The following PLA2R1 variants were observed in gnomAD, a reference collection of about 807,000 sequenced individuals.
PLA2R1 encodes phospholipase A2 receptor 1.
PLA2R1 carries 158 observed loss-of-function variants against 195.9 expected under a neutral mutation model. That is an observed-to-expected ratio of 0.81 (90% CI 0.71 to 0.92). The LOEUF is 0.92. Ranked by LOEUF, PLA2R1 falls within the 40% of genes least tolerant of loss-of-function variation. The probability of loss-of-function intolerance (pLI) is 0.00; values close to 1 mark genes in which losing one functional copy is unlikely to be tolerated. For synonymous variants in PLA2R1, 586 were observed against 598.2 expected (o/e 0.98, Z 0.30); for missense variants, 1,626 against 1,764.6 (o/e 0.92, Z 1.41).
Position 159,941,790 on chromosome 2 carries a change from C to T in PLA2R1, c.4380G>A (p.Lys1460=), listed in dbSNP as rs144754264. The T allele has an allele frequency of 1.3e-6, 2 of 1,580,130 alleles. No homozygotes were observed. Among genetic ancestry groups the T allele is most frequent in the African/African-American group, 2.7e-5 (2 of 74,340 alleles). Residue 1460 remains lysine (K), a synonymous_variant, in exon 30 of 30, where the codon AAG becomes AAA. Transcript: ENST00000283243. ...EENILISDLE[K]SDQ ...TCTGACCTCATTATTATTGGTCACT[C>T]TTCTCAAGATCAGAAATGAGAATAT...
At chr2:159,925,451 C>G in the PLA2R1 span, among the ~76,000 whole-genome samples, 1 of 151,376 alleles carries the variant, frequency 6.6e-6, no homozygotes. Flanking sequence ...ATTGTTGACA[C>G]TTTCCTGCAG....
chr2:159,994,600 G>T (rs992248451), intron 11 of PLA2R1, among the ~76,000 whole-genome samples: 2 of 151,980 alleles, frequency 1.3e-5, no homozygotes, highest in African/African-American at 4.8e-5. Flanking sequence ...ATGCTGAAAT[G>T]TTTATGGATG....
chr2:160,036,856 T>C (rs1360965433), intron 3 of PLA2R1, among the ~76,000 whole-genome samples: 3 of 152,108 alleles, frequency 2.0e-5, no homozygotes, highest in East Asian at 3.9e-4. Context: ...GCTGATCCAC[T>C]GACCCTCGAT....
intron 1 of PLA2R1, among the ~76,000 whole-genome samples, chr2:160,055,385 A>G (rs528288792): frequency 6.6e-6 from 1 of 152,354 alleles, no homozygotes; most frequent in South Asian, 2.1e-4. Flanking sequence ...TTTCCAGATT[A>G]GTAGAATGGC....
chr2:160,013,184 T>C (rs879649397), intron 10 of PLA2R1, 79 bp downstream of exon 10: 2 of 665,078 alleles, frequency 3.0e-6, no homozygotes, highest in African/African-American at 1.8e-5. Context: ...TGAACAGTTA[T>C]GATTGTAGCT....
chr2:160,007,681 C>A (rs994914088), intron 10 of PLA2R1, among the ~76,000 whole-genome samples: 5 of 152,160 alleles, frequency 3.3e-5, no homozygotes. Flanking sequence ...AACTTGTATA[C>A]TGAAAGGTGA....
Position 159,945,800 on chromosome 2 carries a change from A to C in PLA2R1, c.3968-718T>G, listed in dbSNP as rs201120650. On this transcript the variant is annotated intron_variant, in intron 27 of 29. Coordinates refer to ENST00000283243, the MANE Select transcript of PLA2R1 (RefSeq NM_007366.5). ...AAATACAGTGATGTACTCAACATCA[A>C]AAGGTAGGCATTAATAAAGTTGCCT... 7.4e-5 allele frequency: 73 copies of C among 980,712 alleles called. 1 individual carries two copies. In the East Asian group the frequency reaches 6.7e-3, roughly 90 times the overall value. 60.8% of individuals were successfully genotyped at this position (980,712 alleles called of 1,614,324 possible).
chr2:160,032,876 A>C, intron 4 of PLA2R1, 83 bp downstream of exon 4: 1 of 1,056,426 alleles, frequency 9.5e-7, no homozygotes, highest in Non-Finnish European at 1.4e-6. Flanking sequence ...ACTTTTTGTC[A>C]GAATATATTT....
intron 11 of PLA2R1, among the ~76,000 whole-genome samples, chr2:159,998,284 A>C (rs148364876): frequency 6.6e-6 from 1 of 152,322 alleles, no homozygotes; most frequent in Non-Finnish European, 1.5e-5. Flanking sequence ...TTTACAATGC[A>C]GTAGCAACTA....
chr2:159,998,772 C>A (rs1161443451), intron 11 of PLA2R1, among the ~76,000 whole-genome samples: 1 of 152,088 alleles, frequency 6.6e-6, no homozygotes, highest in African/African-American at 2.4e-5. Flanking sequence ...ACTTCTTTAA[C>A]CACTAAATCC....
chr2:160,032,986 C>T lies in PLA2R1; in HGVS notation c.814G>A (p.Asp272Asn), dbSNP rs1193992863. Residue 272 changes from aspartate (D) to asparagine (N), a missense_variant, in exon 4 of 30, where the codon GAT (aspartate) becomes AAT (asparagine). By Grantham distance (23) the Asp-to-Asn change is conservative. Coordinates refer to ENST00000283243, the MANE Select transcript of PLA2R1 (RefSeq NM_007366.5). ...MQGGTLLSIT[D>N]ETEENFIREH... ...CTTATGAAATTTTCTTCAGTTTCAT[C>T]TGTAATACTTAACAGCGTACCTCCT... is the stretch of plus-strand genomic sequence containing the variant. The T allele has an allele frequency of 6.2e-7, 1 of 1,612,686 alleles. No individual in the cohort carries two copies. Among genetic ancestry groups the T allele is most frequent in the South Asian group, 1.1e-5 (1 of 90,758 alleles).
At chr2:159,965,074 C>G (rs1309321364) in intron 20 of PLA2R1, among the ~76,000 whole-genome samples, 1 of 152,116 alleles carries the variant, frequency 6.6e-6, no homozygotes, top group African/African-American at 2.4e-5. Flanking sequence ...TCCACACATA[C>G]ACAGCCTCCC....
chr2:160,010,671 T>A (rs972403831), intron 10 of PLA2R1, among the ~76,000 whole-genome samples: 1 of 152,214 alleles, frequency 6.6e-6, no homozygotes, highest in African/African-American at 2.4e-5. Context: ...ACACTTTCCA[T>A]CTACTGCCCA....
At chr2:160,025,438 T>A (rs1374211513) in intron 6 of PLA2R1, among the ~76,000 whole-genome samples, 1 of 151,912 alleles carries the variant, frequency 6.6e-6, no homozygotes. Flanking sequence ...TGCACGATAT[T>A]AAAAGATGTA....
chr2:159,980,158 T>TA (rs1454102623), intron 13 of PLA2R1, among the ~76,000 whole-genome samples: 1 of 152,184 alleles, frequency 6.6e-6, no homozygotes, highest in Non-Finnish European at 1.5e-5. Flanking sequence ...TTGAACATTT[T>TA]AAATGTGCAA....
chr2:160,020,275 A>G lies in PLA2R1; in HGVS notation c.1295-12T>C. ...TTCTGATGCATTTTCTGTAAGAGATAAATGTAAATTACTTATGGGATCCTA... is the reference window on the plus strand; with the variant it reads ...TTCTGATGCATTTTCTGTAAGAGATGAATGTAAATTACTTATGGGATCCTA... On this transcript the variant is annotated splice_polypyrimidine_tract_variant and intron_variant, in intron 7 of 29. Transcript: ENST00000283243. The G allele has an allele frequency of 6.3e-7, 1 of 1,596,052 alleles. No individual in the cohort carries two copies.
In PLA2R1 at chr2:159,932,669, T is replaced by C. The variant is rs1686636489; in HGVS notation, c.*9109A>G. On this transcript the variant is annotated 3_prime_UTR_variant, in exon 30 of 30. Transcript: ENST00000283243. ...CTCTGTATACTAAGAAGGTAAAAAG[T>C]AAAGTTTAAATAATCTCTTAGAAGT... 1 of 152,188 alleles carries C rather than the reference T, an allele frequency of 6.6e-6. No individual in the cohort carries two copies. Among genetic ancestry groups the C allele is most frequent in the Admixed American group, 6.5e-5 (1 of 15,280 alleles). The allele number at this position is 152,188 out of a possible 1,614,324, so 9.4% of individuals were successfully genotyped here.
At chr2:160,035,170 A>T (rs1243428544) in intron 3 of PLA2R1, among the ~76,000 whole-genome samples, 3 of 152,216 alleles carry the variant, frequency 2.0e-5, no homozygotes, top group Admixed American at 2.0e-4. Flanking sequence ...AGCGATACTC[A>T]GCCTGTATAA....
At chr2:160,033,898 G>A (rs1003645322) in intron 3 of PLA2R1, among the ~76,000 whole-genome samples, 2 of 152,174 alleles carry the variant, frequency 1.3e-5, no homozygotes, top group Non-Finnish European at 2.9e-5. Flanking sequence ...GAGAATGTCA[G>A]AATACAGAGA....
Sources: gnomAD v4.1 joint callset for allele counts (sites outside exome capture counted in the v4.1 genomes callset) on GRCh38, gnomAD v4.1.1 for gene constraint, MANE v1.5 for transcripts, NCBI Gene and HGNC (gene_info 2026-07-23, HGNC 2026-07-21) for gene names.